CNST: variants seen among roughly 807,000 people sequenced by gnomAD.
CNST encodes the protein consortin.
Under a neutral mutation model 72.4 loss-of-function variants are expected in CNST, and 39 were observed. The ratio of observed to expected loss-of-function variants is 0.54; its 90% CI spans 0.42 to 0.70. CNST has a LOEUF of 0.70. Among genes scored for constraint, CNST ranks in the 30% least tolerant of loss-of-function variants. CNST has a pLI of 0.00. For missense variants in CNST, 871 were observed against 868.5 expected, an observed-to-expected ratio of 1.00 and a Z score of -0.04; for synonymous variants, 332 against 320.1, an observed-to-expected ratio of 1.04 and a Z score of -0.40.
chr1:246,642,931 GC>G (rs1182368667), intron 8 of CNST, among the ~76,000 whole-genome samples: 1 of 146,994 alleles, frequency 6.8e-6, no homozygotes, highest in Non-Finnish European at 1.5e-5. Context: ...TCACGCTGTT[GC>G]CCAGGCTGGA....
intron 8 of CNST, among the ~76,000 whole-genome samples, chr1:246,646,613 TG>T (rs1167015488): frequency 6.6e-6 from 1 of 152,104 alleles, no homozygotes; most frequent in African/African-American, 2.4e-5. Context: ...CCCGAGTAGC[TG>T]GGATTACAGG....
At chr1:246,567,772 G>T (rs1417106386) in intron 1 of CNST, among the ~76,000 whole-genome samples, 1 of 151,904 alleles carries the variant, frequency 6.6e-6, no homozygotes, top group Non-Finnish European at 1.5e-5. Flanking sequence ...TTCTTTTTTC[G>T]TACAGTTTTC....
chr1:246,615,845 TC>T (rs1663653891), intron 2 of CNST, among the ~76,000 whole-genome samples: 1 of 151,710 alleles, frequency 6.6e-6, no homozygotes, highest in African/African-American at 2.4e-5. Context: ...GCAATTGCAC[TC>T]CAGCCTGGGC....
chr1:246,668,059 C>T lies in CNST; in HGVS notation c.*2154C>T, dbSNP rs961416377. ...CTTCCCAGGGAGGGTGAGGTGAGCTCGGGAACATAACGATGTTTTGACTTA... is the reference window on the plus strand; with the variant it reads ...CTTCCCAGGGAGGGTGAGGTGAGCTTGGGAACATAACGATGTTTTGACTTA... On this transcript the variant is annotated 3_prime_UTR_variant, in exon 11 of 11. Transcript: ENST00000366513. 6.6e-6 allele frequency: 1 copy of T among 152,016 alleles called. No homozygotes were observed. Among genetic ancestry groups the T allele is most frequent in the African/African-American group, 2.4e-5 (1 of 41,378 alleles). The allele number at this position is 152,016 out of a possible 1,614,324, so 9.4% of individuals were successfully genotyped here. A position where few individuals can be genotyped will look rare whatever the true frequency, so the allele number is the denominator to read the frequency against.
intron 1 of CNST, among the ~76,000 whole-genome samples, chr1:246,588,695 ACAAT>A (rs1283672466): frequency 1.8e-4 from 27 of 152,346 alleles, no homozygotes; most frequent in East Asian, 1.3e-3. Context: ...ATTTCAACAT[ACAAT>A]CAATGTGTAG....
intron 2 of CNST, among the ~76,000 whole-genome samples, chr1:246,594,821 T>C (rs1273692388): frequency 6.6e-6 from 1 of 152,204 alleles, no homozygotes; most frequent in South Asian, 2.1e-4. Context: ...ACAAATCTTA[T>C]GATTCCAGGT....
At chr1:246,662,867 A>G (rs924139274) in intron 10 of CNST, among the ~76,000 whole-genome samples, 2 of 152,200 alleles carry the variant, frequency 1.3e-5, no homozygotes, top group African/African-American at 4.8e-5. Flanking sequence ...CCCAACAGCC[A>G]CCTGTGGCTC....
chr1:246,645,300 GA>G (rs748024794), intron 8 of CNST, among the ~76,000 whole-genome samples: 7 of 139,018 alleles, frequency 5.0e-5, no homozygotes, highest in East Asian at 2.0e-4. Context: ...GAAAAAGAAA[GA>G]AAAAAAAAGT....
chr1:246,638,717 T>C (rs1462782607), intron 6 of CNST, among the ~76,000 whole-genome samples: 1 of 152,098 alleles, frequency 6.6e-6, no homozygotes, highest in East Asian at 1.9e-4. Context: ...AGGAAGGAAC[T>C]GCCATCTACA....
In CNST at chr1:246,586,786, T is replaced by C. The variant is rs376152524; in HGVS notation, c.-51-4726T>C. ...TTGCTGTGTAACCTATTTTTCTACA[T>C]TGTACATATTTGGAAAACATCTCAA... On this transcript the variant is annotated intron_variant, in intron 1 of 10. Transcript: ENST00000366513. 3.3e-5 allele frequency among the ~76,000 whole-genome samples: 5 copies of C among 152,282 alleles called. No individual in the cohort carries two copies. The East Asian group carries it at 9.6e-4, about 29-fold the overall frequency.
Position 246,647,778 on chromosome 1 carries a change from T to G in CNST, c.1577T>G (p.Val526Gly). 1 of 1,614,040 alleles carries G rather than the reference T, an allele frequency of 6.2e-7. No individual in the cohort carries two copies. The highest frequency in any genetic ancestry group is 8.5e-7 in the Non-Finnish European group (1 of 1,180,002). ...GACTTAGGCATACTGCTTCCAGAGG[T>G]GTGTATGGCCCCAGAGGAAAAGGGA... ...ISDLGILLPE[V>G]CMAPEEKGDK... is the part of the protein sequence containing the mutation. The change falls in exon 9 of 11, where the codon GTG (valine) becomes GGG (glycine). Residue 526 changes from valine (V) to glycine (G), a missense_variant. Physicochemically the swap from Val to Gly is moderately radical, Grantham distance 109. Coordinates refer to ENST00000366513, the MANE Select transcript of CNST (RefSeq NM_152609.3).
rs150019431 is a variant in CNST at position 246,567,426 on chromosome 1, A to G, written c.-52+763A>G. Among the ~76,000 whole-genome samples the G allele has an allele frequency of 7.3e-3, 1,113 of 152,196 alleles. 3 individuals carry two copies. The highest frequency in any genetic ancestry group is 0.011 in the Non-Finnish European group (773 of 68,006). ...GAGTGTTTTCCGTGTTTCAGGATCA[A>G]ACTTAGAGCTTTTACCCATTATCCT... On this transcript the variant is annotated intron_variant, in intron 1 of 10. Transcript: ENST00000366513.
chr1:246,615,111 C>A (rs546779526), intron 2 of CNST, among the ~76,000 whole-genome samples: 5 of 152,300 alleles, frequency 3.3e-5, no homozygotes, highest in African/African-American at 7.2e-5. Flanking sequence ...GCGGTGTGAT[C>A]AATTGAATAA....
rs370560810 is a variant in CNST, at chr1:246,647,697, C to T, written c.1496C>T (p.Ala499Val). ...LTDSDGKSPQ[A>V]QADSDGSENV... ...GACAGTGATGGAAAATCACCACAGG[C>T]GCAGGCTGACTCAGACGGTTCTGAG... The change falls in exon 9 of 11, where the codon GCG becomes GTG. Residue 499 changes from alanine to valine, a missense_variant. Physicochemically the swap from Ala to Val is moderately conservative, Grantham distance 64 (BLOSUM62 0). Transcript: ENST00000366513. 2.2e-5 allele frequency: 35 copies of T among 1,614,102 alleles called. No homozygotes were observed. Among genetic ancestry groups the T allele is most frequent in the Non-Finnish European group, 2.4e-5 (28 of 1,180,034 alleles).
intron 6 of CNST, among the ~76,000 whole-genome samples, chr1:246,639,619 C>T (rs1665546681): frequency 6.6e-6 from 1 of 152,138 alleles, no homozygotes; most frequent in African/African-American, 2.4e-5. Context: ...AGAGGGGCTA[C>T]ACAGGAGCAG....
At chr1:246,592,711 G>A (rs1661621288) in intron 2 of CNST, among the ~76,000 whole-genome samples, 1 of 152,188 alleles carries the variant, frequency 6.6e-6, no homozygotes, top group Non-Finnish European at 1.5e-5. Context: ...ATCTCACTCA[G>A]CAGGTAAATA....
At chr1:246,601,013 A>C (rs1662251411) in intron 2 of CNST, among the ~76,000 whole-genome samples, 1 of 152,156 alleles carries the variant, frequency 6.6e-6, no homozygotes. Flanking sequence ...TCTCCCACCA[A>C]ACAATGAGAC....
At chr1:246,621,120 A>T (rs530008048) in intron 2 of CNST, among the ~76,000 whole-genome samples, 2 of 152,212 alleles carry the variant, frequency 1.3e-5, no homozygotes, top group African/African-American at 4.8e-5. Context: ...GCATTTATTT[A>T]TTAGTGATTT....
At chr1:246,569,649 C>G (rs1325739535) in intron 1 of CNST, among the ~76,000 whole-genome samples, 1 of 152,130 alleles carries the variant, frequency 6.6e-6, no homozygotes, top group African/African-American at 2.4e-5. Flanking sequence ...AGTCCCGGAG[C>G]CCTGAACTCC....
Sources: allele counts gnomAD v4.1 joint callset (sites outside exome capture counted in the v4.1 genomes callset), GRCh38; gene constraint gnomAD v4.1.1; transcripts MANE v1.5; gene names NCBI Gene and HGNC (gene_info 2026-07-23, HGNC 2026-07-21).